Variants in SIPA1 observed in about 807,000 individuals in gnomAD.
SIPA1 encodes the protein signal-induced proliferation-associated protein 1.
In SIPA1, 51 loss-of-function variants were observed where a neutral mutation model predicts 88.1. The ratio of observed to expected loss-of-function variants is 0.58; its 90% CI spans 0.46 to 0.73. SIPA1 has a LOEUF of 0.73. SIPA1 is among the 30% of genes least tolerant of loss of function. SIPA1 has a pLI of 0.00. For missense variants in SIPA1, 1,348 were observed against 1,467.6 expected, an observed-to-expected ratio of 0.92 and a Z score of 1.33; for synonymous variants, 681 against 664.8, an observed-to-expected ratio of 1.02 and a Z score of -0.37.
intron 5 of SIPA1, 24 bp from the exon 6 acceptor site, chr11:65,645,830 G>A: frequency 6.4e-7 from 1 of 1,565,246 alleles, no homozygotes; most frequent in Non-Finnish European, 8.8e-7. Context: ...TTCTCCTTCT[G>A]TGTCCCTAAC....
chr11:65,647,441 C>T lies in SIPA1; in HGVS notation c.2089C>T (p.Arg697Cys), dbSNP rs1856150464. ...ELALPRDGQG[R>C]LGFEVDAEGF... ...GGCGCTGCCCCGCGACGGTCAAGGC[C>T]GCCTGGGCTTCGAGGTGGACGCCGA... Residue 697 changes from arginine (R) to cysteine (C), a missense_variant, in exon 9 of 16, where the codon CGC becomes TGC. By Grantham distance (180) the Arg-to-Cys change is radical. Coordinates refer to ENST00000534313, the MANE Select transcript of SIPA1 (RefSeq NM_006747.4). 2.0e-6 allele frequency: 3 copies of T among 1,481,338 alleles called. No individual in the cohort carries two copies. The highest frequency in any genetic ancestry group is 2.7e-6 in the Non-Finnish European group (3 of 1,123,834). 91.8% of individuals were successfully genotyped at this position (1,481,338 alleles called of 1,614,324 possible).
chr11:65,649,632 C>T lies in SIPA1; in HGVS notation c.2597C>T (p.Pro866Leu). The change falls in exon 11 of 16, where the codon CCA becomes CTA. Residue 866 changes from proline to leucine, a missense_variant. By Grantham distance (98) the Pro-to-Leu change is moderately conservative. Transcript: ENST00000534313. ...CTCCTCCTGGCCACCACAGCCAAGC[C>T]ATCAGTACCCAGTGCTGACAGTGAG... ...PDLLLATTAKPSVPSADSETP... is the reference protein window; with the variant it reads ...PDLLLATTAKLSVPSADSETP... The T allele has an allele frequency of 6.2e-7, 1 of 1,614,096 alleles. No homozygotes were observed. Among genetic ancestry groups the T allele is most frequent in the Non-Finnish European group, 8.5e-7 (1 of 1,180,026 alleles).
At chr11:65,647,828 G>GTC (rs764139456) in intron 9 of SIPA1, among the ~76,000 whole-genome samples, 170 bp downstream of exon 9, 1 of 139,896 alleles carries the variant, frequency 7.1e-6, no homozygotes, top group Non-Finnish European at 1.5e-5. Flanking sequence ...TCCTGTCTCT[G>GTC]TCTCTCTCTC....
rs1189266474 is a variant in SIPA1 at position 65,649,315 on chromosome 11, C to G, written c.2360C>G (p.Ala787Gly). The stretch of plus-strand genomic sequence containing the variant: ...CTGCAGGAGCCTAGCCGGCGGGGGG[C>G]CCCAGATCCTGTGCAGGATGAGGTC... ...LSLQEPSRRG[A>G]PDPVQDEVQG... Residue 787 changes from alanine to glycine, a missense_variant, in exon 10 of 16, where the codon GCC (alanine) becomes GGC (glycine). Coordinates refer to ENST00000534313, the MANE Select transcript of SIPA1 (RefSeq NM_006747.4). The G allele has an allele frequency of 6.4e-7, 1 of 1,557,038 alleles. No individual in the cohort carries two copies. The highest frequency in any genetic ancestry group is 8.7e-7 in the Non-Finnish European group (1 of 1,150,172).
intron 4 of SIPA1, among the ~76,000 whole-genome samples, chr11:65,643,538 C>G (rs999553197): frequency 2.0e-5 from 3 of 152,214 alleles, no homozygotes; most frequent in African/African-American, 7.2e-5. Flanking sequence ...GCTTGAGTAG[C>G]TCACAGCTGG....
chr11:65,647,058 G>A lies in SIPA1; in HGVS notation c.2024G>A (p.Arg675His). 1.3e-6 allele frequency: 2 copies of A among 1,538,528 alleles called. No homozygotes were observed. The highest frequency in any genetic ancestry group is 2.0e-5 in the Admixed American group (1 of 50,514). Residue 675 changes from arginine (R) to histidine (H), a missense_variant, in exon 8 of 16, where the codon CGC (arginine) becomes CAC (histidine). Transcript: ENST00000534313. ...PGQAVGEVVA[R>H]LQLVSRGCET... ...CAAGCCGTGGGCGAGGTGGTGGCGCGCCTGCAGGTGAGCTGGAGTGGTAAA... is the reference window on the plus strand; with the variant it reads ...CAAGCCGTGGGCGAGGTGGTGGCGCACCTGCAGGTGAGCTGGAGTGGTAAA...
rs751025379 is a variant in SIPA1 at position 65,649,550 on chromosome 11, G to A, written c.2526-11G>A. The A allele has an allele frequency of 1.1e-5, 17 of 1,614,034 alleles. No individual in the cohort carries two copies. In the Middle Eastern group the frequency reaches 2.1e-3, roughly 204 times the overall value. On this transcript the variant is annotated splice_polypyrimidine_tract_variant and intron_variant, in intron 10 of 15. Coordinates refer to ENST00000534313, the MANE Select transcript of SIPA1 (RefSeq NM_006747.4). ...CGGCTTCCCTTTCTGAGCCACCCCT[G>A]CTCTCCCCAGCTCTCTGTCGGATGA...
chr11:65,645,980 G>T (rs1280459029), intron 6 of SIPA1, 23 bp downstream of exon 6: 1 of 1,566,790 alleles, frequency 6.4e-7, no homozygotes, highest in Admixed American at 1.7e-5. Context: ...CCAACGTGGG[G>T]GTGGGGCTTC....
rs139394264 is a variant in SIPA1 at position 65,646,346 on chromosome 11, A to C, written c.1389A>C (p.Ala463=). 3.0e-4 allele frequency: 492 copies of C among 1,613,222 alleles called. 1 individual carries two copies. The highest frequency in any genetic ancestry group is 4.0e-4 in the Non-Finnish European group (470 of 1,179,994). ...AGCACGTGTTCCTAGTGGTGCGGGC[A>C]CACACACCCTGCACGCCACACACCA... is the stretch of plus-strand genomic sequence containing the variant. ...HFQHVFLVVR[A]HTPCTPHTTY... is the part of the protein sequence containing the mutation. The change falls in exon 7 of 16, where the codon GCA becomes GCC. Residue 463 remains alanine (A), a synonymous_variant. Transcript: ENST00000534313. This position sits in a 1 kb window ranked among gnomAD's most constrained non-coding sequence, Gnocchi z 7.5.
In SIPA1 at chr11:65,647,648, C is replaced by G; in HGVS notation, c.2296C>G (p.Arg766Gly). Residue 766 changes from arginine to glycine, a missense_variant, in exon 9 of 16, where the codon CGG becomes GGG. By Grantham distance (125) the Arg-to-Gly change is moderately radical. This residue lies in a region of SIPA1 where 615 missense variants were observed against 559.8 expected (regional missense o/e 1.10). Transcript: ENST00000534313. ...VTVLPPDESG[R>G]PRRSFSELYT... ...CGTCCTGCCCCCCGACGAGAGCGGC[C>G]GGCCCCGCAGGTCAGGGTGCCGGGG... The G allele has an allele frequency of 7.3e-7, 1 of 1,371,722 alleles. No homozygotes were observed. The highest frequency in any genetic ancestry group is 9.4e-7 in the Non-Finnish European group (1 of 1,065,148). 85.0% of individuals were successfully genotyped at this position (1,371,722 alleles called of 1,614,324 possible). A position where few individuals can be genotyped will look rare whatever the true frequency, so the allele number is the denominator to read the frequency against.
Position 65,649,986 on chromosome 11 carries a change from A to G in SIPA1, c.2783A>G (p.Glu928Gly). ...GCGGGCAGTGGGACCCTGGAGGACG[A>G]GTGGCAGGCCATCTCGGAGATTGCC... ...SEAGSGTLED[E>G]WQAISEIAST... Residue 928 changes from glutamate (E) to glycine (G), a missense_variant, in exon 13 of 16, where the codon GAG (glutamate) becomes GGG (glycine). Physicochemically the swap from Glu to Gly is moderately conservative, Grantham distance 98. This residue lies in a region of SIPA1 where 615 missense variants were observed against 559.8 expected (regional missense o/e 1.10). Coordinates refer to ENST00000534313, the MANE Select transcript of SIPA1 (RefSeq NM_006747.4). 1 of 1,613,966 alleles carries G rather than the reference A, an allele frequency of 6.2e-7. No homozygotes were observed. The highest frequency in any genetic ancestry group is 8.5e-7 in the Non-Finnish European group (1 of 1,179,984).
In SIPA1 at chr11:65,646,039, C is replaced by G. The variant is rs958223102; in HGVS notation, c.1263+82C>G. ...TGGCCCATGACGTTTGAGCTTTGGC[C>G]GGAGCTCTGTTGGCCCCAACAGCCC... On this transcript the variant is annotated intron_variant, in intron 6 of 15. Coordinates refer to ENST00000534313, the MANE Select transcript of SIPA1 (RefSeq NM_006747.4). This position sits in a 1 kb window ranked among gnomAD's most constrained non-coding sequence, Gnocchi z 7.5. 2 of 1,313,542 alleles carry G rather than the reference C, an allele frequency of 1.5e-6. No homozygotes were observed. The highest frequency in any genetic ancestry group is 1.3e-5 in the South Asian group (1 of 77,782). 81.4% of individuals were successfully genotyped at this position (1,313,542 alleles called of 1,614,324 possible).
chr11:65,646,995 G>A lies in SIPA1; in HGVS notation c.1961G>A (p.Gly654Glu). The A allele has an allele frequency of 6.5e-7, 1 of 1,540,524 alleles. No individual in the cohort carries two copies. Among genetic ancestry groups the A allele is most frequent in the Middle Eastern group, 1.7e-4 (1 of 5,990 alleles). The part of the protein sequence containing the change: ...EQQLDLYHGR[G>E]EAITLRFDGS... Reference sequence around the variant, plus strand: ...CAGCTGGACCTGTACCACGGCCGCGGGGAGGCGATCACGCTGCGCTTCGAC... The same window carrying A: ...CAGCTGGACCTGTACCACGGCCGCGAGGAGGCGATCACGCTGCGCTTCGAC... The change falls in exon 8 of 16, where the codon GGG (glycine) becomes GAG (glutamate). Residue 654 changes from glycine (G) to glutamate (E), a missense_variant. Coordinates refer to ENST00000534313, the MANE Select transcript of SIPA1 (RefSeq NM_006747.4). The surrounding 1 kb of genome is among the most constrained non-coding windows in gnomAD (Gnocchi z 7.5).
rs760548783 is a variant in SIPA1, at chr11:65,642,526, T to A, written c.871T>A (p.Ser291Thr). 1 of 1,608,802 alleles carries A rather than the reference T, an allele frequency of 6.2e-7. No individual in the cohort carries two copies. Residue 291 changes from serine (S) to threonine (T), a missense_variant, in exon 4 of 16, where the codon TCC (serine) becomes ACC (threonine). Physicochemically the swap from Ser to Thr is moderately conservative, Grantham distance 58. Around this residue, in one of 4 missense-constraint regions of SIPA1, gnomAD observed 641 missense variants for 797.7 expected, o/e 0.80. Transcript: ENST00000534313. This position sits in a 1 kb window ranked among gnomAD's most constrained non-coding sequence, Gnocchi z 6.5. ...ALPPGPPRGLSPRKLLEHVAP... is the reference protein window; with the variant it reads ...ALPPGPPRGLTPRKLLEHVAP... The stretch of plus-strand genomic sequence containing the variant: ...GCCGCCGGGGCCCCCACGGGGTCTG[T>A]CCCCAAGGAAACTTCTGGAGCACGT...
chr11:65,645,823 T>C (rs369825065), intron 5 of SIPA1, 31 bp from the exon 6 acceptor site: 4 of 1,531,292 alleles, frequency 2.6e-6, no homozygotes, highest in African/African-American at 2.7e-5. Flanking sequence ...CCTTGTTTTC[T>C]CCTTCTGTGT....
At position 65,646,845 on chromosome 11, in the gene SIPA1, G is replaced by T; in HGVS notation, c.1811G>T (p.Gly604Val). Residue 604 changes from glycine (G) to valine (V), a missense_variant, in exon 8 of 16, where the codon GGC becomes GTC. Physicochemically the swap from Gly to Val is moderately radical, Grantham distance 109 (BLOSUM62 -3). Around this residue, in one of 4 missense-constraint regions of SIPA1, gnomAD observed 24 missense variants for 51.1 expected, o/e 0.47. Transcript: ENST00000534313. The surrounding 1 kb of genome is among the most constrained non-coding windows in gnomAD (Gnocchi z 7.5). The part of the protein sequence containing the change: ...AAGAQASGPE[G>V]IEVPCLLGIS... ...GGGGCTCAGGCGAGCGGCCCCGAAG[G>T]CATCGAGGTGCCCTGCCTGCTGGGC... The T allele has an allele frequency of 6.9e-7, 1 of 1,442,094 alleles. No homozygotes were observed. The highest frequency in any genetic ancestry group is 2.4e-5 in the Admixed American group (1 of 40,878). The allele number at this position is 1,442,094 out of a possible 1,614,324, so 89.3% of individuals were successfully genotyped here.
Position 65,641,408 on chromosome 11 carries a change from C to A in SIPA1, c.487C>A (p.Pro163Thr), listed in dbSNP as rs200087571. Residue 163 changes from proline (P) to threonine (T), a missense_variant, in exon 2 of 16, where the codon CCT becomes ACT. Transcript: ENST00000534313. ...CAGCTCGGACCTGCTGCATGGGGCACCTGGCTTTGTGTGTGAGCTCGGGGG... is the reference window on the plus strand; with the variant it reads ...CAGCTCGGACCTGCTGCATGGGGCAACTGGCTTTGTGTGTGAGCTCGGGGG... ...AASSDLLHGA[P>T]GFVCELGGEG... The A allele has an allele frequency of 3.7e-6, 6 of 1,613,130 alleles. No individual in the cohort carries two copies. In the African/African-American group the frequency reaches 8.0e-5, roughly 21 times the overall value.
Position 65,649,607 on chromosome 11 carries a change from C to A in SIPA1, c.2572C>A (p.Leu858Ile). Reference sequence around the variant, plus strand: ...AGTCCTGCCCAACACCACCCCGGACCTCCTCCTGGCCACCACAGCCAAGCC... The same window carrying A: ...AGTCCTGCCCAACACCACCCCGGACATCCTCCTGGCCACCACAGCCAAGCC... ...APVLPNTTPD[L>I]LLATTAKPSV... Residue 858 changes from leucine to isoleucine, a missense_variant, in exon 11 of 16, where the codon CTC (leucine) becomes ATC (isoleucine). Leu to Ile is a conservative substitution (Grantham distance 5). Transcript: ENST00000534313. 1 of 1,614,140 alleles carries A rather than the reference C, an allele frequency of 6.2e-7. No individual in the cohort carries two copies. Among genetic ancestry groups the A allele is most frequent in the Non-Finnish European group, 8.5e-7 (1 of 1,180,030 alleles).
chr11:65,650,813 C>A lies in SIPA1; in HGVS notation c.*98C>A. 7.8e-7 allele frequency: 1 copy of A among 1,276,608 alleles called. No homozygotes were observed. Among genetic ancestry groups the A allele is most frequent in the Admixed American group, 2.9e-5 (1 of 34,626 alleles). The allele number at this position is 1,276,608 out of a possible 1,614,324, so 79.1% of individuals were successfully genotyped here. A position where few individuals can be genotyped will look rare whatever the true frequency, so the allele number is the denominator to read the frequency against. On this transcript the variant is annotated 3_prime_UTR_variant, in exon 16 of 16. Transcript: ENST00000534313. ...CAGAGGCGTGTCTTAGCACTGCCCCCCTCCCTAGCCCCTTATTTGGTGGCG... is the reference window on the plus strand; with the variant it reads ...CAGAGGCGTGTCTTAGCACTGCCCCACTCCCTAGCCCCTTATTTGGTGGCG...
Sources: gnomAD v4.1 joint callset for allele counts (sites outside exome capture counted in the v4.1 genomes callset) on GRCh38, gnomAD v4.1.1 for gene constraint, gnomAD v4.1.1 regional missense constraint, Gnocchi (gnomAD v3.1) non-coding constraint, MANE v1.5 for transcripts, NCBI Gene and HGNC (gene_info 2026-07-23, HGNC 2026-07-21) for gene names.